Variants in LINGO2 observed in about 807,000 individuals in gnomAD.
LINGO2 encodes leucine rich repeat and Ig domain containing 2, also known as leucine-rich repeat and immunoglobulin-like domain-containing nogo receptor-interacting protein 2.
In LINGO2, 14 loss-of-function variants were observed where a neutral mutation model predicts 30.6. That is an observed-to-expected ratio of 0.46 (90% CI 0.30 to 0.72). The LOEUF (loss-of-function observed/expected upper bound fraction) is 0.72. LINGO2 is among the 30% of genes least tolerant of loss of function. The pLI is 0.07. For missense variants in LINGO2, 729 were observed against 751.7 expected (o/e 0.97, Z 0.35); for synonymous variants, 317 against 288.5 (o/e 1.10, Z -1.00).
intron 1 of LINGO2, among the ~76,000 whole-genome samples, chr9:28,609,906 T>C (rs1825845681): frequency 6.6e-6 from 1 of 152,190 alleles, no homozygotes. Flanking sequence ...ACGTGGCACC[T>C]ATGAGAAGAT....
intron 4 of LINGO2, among the ~76,000 whole-genome samples, chr9:28,084,472 T>C (rs1303423364): frequency 1.3e-5 from 2 of 152,072 alleles, no homozygotes; most frequent in African/African-American, 4.8e-5. Flanking sequence ...GGAAGGAAAT[T>C]AGCAGTTAAC....
At chr9:28,666,218 A>G (rs890105392) in intron 1 of LINGO2, among the ~76,000 whole-genome samples, 5 of 151,984 alleles carry the variant, frequency 3.3e-5, no homozygotes, top group Non-Finnish European at 7.4e-5. Flanking sequence ...GAATGTATTC[A>G]TGGGTTTGAA....
At chr9:28,975,214 A>G in the LINGO2 span, among the ~76,000 whole-genome samples, 7 of 152,144 alleles carry the variant, frequency 4.6e-5, no homozygotes, top group Non-Finnish European at 1.0e-4. Context: ...AAGAGAAAGA[A>G]AATTCTTAGG....
At chr9:27,937,920 C>T in the LINGO2 span, 2 of 152,146 alleles carry the variant, frequency 1.3e-5, no homozygotes, top group African/African-American at 2.4e-5. Context: ...ATTATAGCTT[C>T]TCTTCCAATA....
chr9:28,670,108 C>T (rs1828955297), intron 1 of LINGO2, 92 bp downstream of exon 3: 1 of 151,720 alleles, frequency 6.6e-6, no homozygotes, highest in African/African-American at 2.4e-5. Context: ...TAAAATTATC[C>T]ACTTCCTTGG....
intron 1 of LINGO2, among the ~76,000 whole-genome samples, chr9:28,641,318 G>A (rs1030317320): frequency 2.0e-5 from 3 of 152,082 alleles, no homozygotes; most frequent in African/African-American, 7.2e-5. Context: ...TTACAGGCGT[G>A]AGCCACCGCG....
In LINGO2 at chr9:28,425,892, T is replaced by C. The variant is rs142661752; in HGVS notation, c.-279+50048A>G. Among the ~76,000 whole-genome samples the C allele has an allele frequency of 9.0e-4, 137 of 152,176 alleles. 1 individual carries two copies. Among genetic ancestry groups the C allele is most frequent in the Middle Eastern group, 3.4e-3 (1 of 294 alleles). ...TATATTTTTGTTGTTGTTGTTATTG[T>C]TAAATGTAGATAAATTACTTTCTTT... On this transcript the variant is annotated intron_variant, in intron 2 of 5. Coordinates refer to ENST00000379992, the Ensembl canonical transcript of LINGO2.
the LINGO2 span, among the ~76,000 whole-genome samples, chr9:28,987,638 T>TTGTA: frequency 6.6e-6 from 1 of 152,126 alleles, no homozygotes; most frequent in Non-Finnish European, 1.5e-5. Flanking sequence ...TTAAGTTGTT[T>TTGTA]ATCTGAGATC....
At chr9:28,318,347 A>G (rs1824918967) in intron 3 of LINGO2, among the ~76,000 whole-genome samples, 1 of 152,212 alleles carries the variant, frequency 6.6e-6, no homozygotes, top group South Asian at 2.1e-4. Flanking sequence ...TATATCATTG[A>G]TTTATTCATA....
the LINGO2 span, among the ~76,000 whole-genome samples, chr9:29,129,117 G>A: frequency 2.0e-5 from 3 of 152,056 alleles, no homozygotes; most frequent in East Asian, 1.9e-4. Flanking sequence ...CTTGGTTTGC[G>A]TGCCTTCTTT....
At chr9:27,949,392 G>A (rs1456834271) in exon 6 of LINGO2, 2 of 1,614,108 alleles carry the variant, frequency 1.2e-6, no homozygotes, top group Non-Finnish European at 1.7e-6. Flanking sequence ...TAGCTGGACT[G>A]TCTGCCCTTC....
intron 4 of LINGO2, among the ~76,000 whole-genome samples, chr9:28,202,449 C>T (rs932673754): frequency 9.9e-5 from 15 of 152,056 alleles, no homozygotes; most frequent in African/African-American, 2.4e-5. Context: ...CCTGAATGTG[C>T]CTGATGTCTT....
At chr9:28,464,821 C>A (rs756470283) in intron 2 of LINGO2, among the ~76,000 whole-genome samples, 5 of 152,144 alleles carry the variant, frequency 3.3e-5, no homozygotes, top group Non-Finnish European at 7.3e-5. Flanking sequence ...TTGAGCAACA[C>A]CCCACAAGCA....
chr9:28,350,035 C>T (rs1410108804), intron 3 of LINGO2, among the ~76,000 whole-genome samples: 1 of 151,940 alleles, frequency 6.6e-6, no homozygotes, highest in Non-Finnish European at 1.5e-5. Flanking sequence ...GTACCAGCCG[C>T]TGCAAAATCA....
chr9:28,280,749 G>T (rs1823292762), intron 4 of LINGO2, among the ~76,000 whole-genome samples: 1 of 152,112 alleles, frequency 6.6e-6, no homozygotes, highest in African/African-American at 2.4e-5. Context: ...TAGTGCCATA[G>T]ACTGAATAAG....
rs1826258865 is a variant in LINGO2, at chr9:28,488,419, C to T, written c.-364-12394G>A. On this transcript the variant is annotated intron_variant, in intron 1 of 5. Coordinates refer to ENST00000379992, the Ensembl canonical transcript of LINGO2. ...TTATTATAAATAGATCCAACTTCTT[C>T]ACAGAATCATCCAAAGTGAGTTATC... 3.9e-5 allele frequency among the ~76,000 whole-genome samples: 6 copies of T among 152,098 alleles called. No individual in the cohort carries two copies. In the South Asian group the frequency reaches 1.2e-3, roughly 32 times the overall value.
downstream of LINGO2, among the ~76,000 whole-genome samples, chr9:27,945,477 A>C (rs532326774): frequency 6.6e-6 from 1 of 152,294 alleles, no homozygotes; most frequent in African/African-American, 2.4e-5. Flanking sequence ...TGTCAGTAAC[A>C]AGCAAAATTT....
At chr9:28,552,885 T>TAA (rs138795865) in intron 1 of LINGO2, among the ~76,000 whole-genome samples, 193 of 145,606 alleles carry the variant, frequency 1.3e-3, no homozygotes, top group Admixed American at 6.1e-3. Flanking sequence ...TTTCCAACAT[T>TAA]AAAAAAAAAA....
At chr9:28,553,789 C>G (rs966381953) in intron 1 of LINGO2, among the ~76,000 whole-genome samples, 10 of 152,154 alleles carry the variant, frequency 6.6e-5, no homozygotes, top group South Asian at 4.1e-4. Context: ...ATCAGACTAA[C>G]AGCGGATCTC....
Sources: allele counts gnomAD v4.1 joint callset (sites outside exome capture counted in the v4.1 genomes callset), GRCh38; gene constraint gnomAD v4.1.1; transcripts MANE v1.5; gene names NCBI Gene and HGNC (gene_info 2026-07-23, HGNC 2026-07-21).